Variants in MAN1C1 observed in about 807,000 individuals in gnomAD.
MAN1C1 encodes mannosyl-oligosaccharide 1,2-alpha-mannosidase IC.
A neutral mutation model predicts 71.5 loss-of-function variants in MAN1C1; 49 were observed. The ratio of observed to expected loss-of-function variants is 0.69; its 90% CI spans 0.54 to 0.87. The LOEUF is 0.87. Ranked by LOEUF, MAN1C1 falls within the 40% of genes least tolerant of loss-of-function variation. The probability of loss-of-function intolerance (pLI) is 0.00; values close to 1 mark genes in which losing one functional copy is unlikely to be tolerated. For missense variants in MAN1C1, 743 were observed against 835.0 expected, an observed-to-expected ratio of 0.89 and a Z score of 1.36; for synonymous variants, 352 against 343.7, an observed-to-expected ratio of 1.02 and a Z score of -0.27.
At chr1:25,659,785 CT>C (rs1356085217) in intron 1 of MAN1C1, among the ~76,000 whole-genome samples, 2 of 152,076 alleles carry the variant, frequency 1.3e-5, no homozygotes, top group Non-Finnish European at 2.9e-5. Context: ...AATAGCCATT[CT>C]TTAAAAACAA....
chr1:25,760,817 T>G (rs945873550), intron 6 of MAN1C1: 1 of 152,254 alleles, frequency 6.6e-6, no homozygotes. Context: ...TAGGACGTGC[T>G]GAGTAGGATT....
At chr1:25,771,898 A>T (rs1251770489) in intron 8 of MAN1C1, 126 bp downstream of exon 8, 1 of 685,678 alleles carries the variant, frequency 1.5e-6, no homozygotes, top group African/African-American at 1.8e-5. Context: ...CCCTGCAATG[A>T]ACCGGTGAGA....
At chr1:25,747,137 G>C (rs1297430929) in intron 3 of MAN1C1, among the ~76,000 whole-genome samples, 2 of 152,232 alleles carry the variant, frequency 1.3e-5, no homozygotes, top group Non-Finnish European at 2.9e-5. Context: ...CAGCAAGTGG[G>C]GAATGGCTTT....
intron 2 of MAN1C1, among the ~76,000 whole-genome samples, chr1:25,706,529 G>GA (rs979894487): frequency 6.6e-6 from 1 of 152,150 alleles, no homozygotes; most frequent in Non-Finnish European, 1.5e-5. Flanking sequence ...TGGCGGGGGG[G>GA]AATCCTTGCA....
At chr1:25,691,394 A>G (rs2046307056) in intron 2 of MAN1C1, among the ~76,000 whole-genome samples, 1 of 152,240 alleles carries the variant, frequency 6.6e-6, no homozygotes, top group African/African-American at 2.4e-5. Context: ...TTGCCACTGC[A>G]TGACCTTGGG....
At chr1:25,661,866 C>G (rs2045854378) in intron 1 of MAN1C1, among the ~76,000 whole-genome samples, 1 of 152,172 alleles carries the variant, frequency 6.6e-6, no homozygotes, top group South Asian at 2.1e-4. Context: ...ATTTGTTTTG[C>G]AAATACAAGT....
chr1:25,751,694 A>G lies in MAN1C1; in HGVS notation c.835-1790A>G, dbSNP rs568498113. Among the ~76,000 whole-genome samples the G allele has an allele frequency of 5.9e-5, 9 of 152,258 alleles. No individual in the cohort carries two copies. In the East Asian group the frequency reaches 1.7e-3, roughly 29 times the overall value. The stretch of plus-strand genomic sequence containing the variant: ...TGCTGCATACCTCGTGTACTTTCTC[A>G]CTGGAGCCTCGGATGGCCCCATCAG... On this transcript the variant is annotated intron_variant, in intron 4 of 11. Coordinates refer to ENST00000374332, the MANE Select transcript of MAN1C1 (RefSeq NM_020379.4).
chr1:25,767,640 A>C, intron 7 of MAN1C1, among the ~76,000 whole-genome samples: 1 of 30,186 alleles, frequency 3.3e-5, no homozygotes, highest in Non-Finnish European at 5.6e-5. Flanking sequence ...CACACACATT[A>C]CACACTCCCC....
chr1:25,618,002 A>G lies in MAN1C1; in HGVS notation c.205A>G (p.Ile69Val), dbSNP rs2124743975. ...QQPGLEVVAE[I>V]AGHAPAREQE... ...GCCTGGTCTGGAAGTGGTGGCTGAA[A>G]TCGCCGGCCATGCCCCGGCCCGCGA... is the stretch of plus-strand genomic sequence containing the variant. The change falls in exon 1 of 12, where the codon ATC becomes GTC. Residue 69 changes from isoleucine to valine, a missense_variant. Physicochemically the swap from Ile to Val is conservative, Grantham distance 29. Coordinates refer to ENST00000374332, the MANE Select transcript of MAN1C1 (RefSeq NM_020379.4). 6.2e-7 allele frequency: 1 copy of G among 1,603,734 alleles called. No homozygotes were observed. Among genetic ancestry groups the G allele is most frequent in the Admixed American group, 1.7e-5 (1 of 59,534 alleles).
At chr1:25,693,002 C>T (rs2046327643) in intron 2 of MAN1C1, among the ~76,000 whole-genome samples, 1 of 152,144 alleles carries the variant, frequency 6.6e-6, no homozygotes, top group Non-Finnish European at 1.5e-5. Flanking sequence ...GTAAGAGGCA[C>T]CAACCCCCTG....
chr1:25,772,659 A>C (rs879288040), intron 8 of MAN1C1, among the ~76,000 whole-genome samples: 1 of 151,958 alleles, frequency 6.6e-6, no homozygotes, highest in Non-Finnish European at 1.5e-5. Context: ...TGCCCTCTGA[A>C]TGCTGTGTGG....
chr1:25,633,258 T>C (rs908871593), intron 1 of MAN1C1, among the ~76,000 whole-genome samples: 1 of 152,226 alleles, frequency 6.6e-6, no homozygotes, highest in Admixed American at 6.5e-5. Flanking sequence ...ATGAGAAGAA[T>C]GTGTATTCTG....
chr1:25,666,273 C>A (rs967553940), intron 1 of MAN1C1, among the ~76,000 whole-genome samples: 1 of 152,124 alleles, frequency 6.6e-6, no homozygotes, highest in African/African-American at 2.4e-5. Context: ...CATTTCGGTT[C>A]TCTGTCTTTT....
At chr1:25,673,321 C>T (rs764698420) in intron 1 of MAN1C1, among the ~76,000 whole-genome samples, 6 of 152,162 alleles carry the variant, frequency 3.9e-5, no homozygotes, top group Non-Finnish European at 7.3e-5. Flanking sequence ...CCAGAGAAGG[C>T]AGGCACGGTT....
chr1:25,673,409 C>G (rs1007919545), intron 1 of MAN1C1, among the ~76,000 whole-genome samples: 2 of 152,190 alleles, frequency 1.3e-5, no homozygotes, highest in Non-Finnish European at 2.9e-5. Context: ...GGCTCTGTTG[C>G]TTACTTGCTA....
chr1:25,767,498 T>C (rs377435886), intron 7 of MAN1C1, among the ~76,000 whole-genome samples: 361 of 47,854 alleles, frequency 7.5e-3, no homozygotes, highest in Non-Finnish European at 8.5e-3. Context: ...CATCCACACT[T>C]CCCTCACACA....
In MAN1C1 at chr1:25,782,625, GGATCCAAGAC is replaced by G. The variant is rs2047710859; in HGVS notation, c.1693_1702del (p.Ile565CysfsTer17). On this transcript the variant is annotated frameshift_variant, in exon 11 of 12. Transcript: ENST00000374332. LOFTEE classifies it high-confidence loss of function. The surrounding 1 kb of genome is among the most constrained non-coding windows in gnomAD (Gnocchi z 4.4). ...TGTCGGACAGAAGCCGGTTTCTCTG[GGATCCAAGAC>G]GTGTACAGTAGCACCCCCAACCACG... The G allele has an allele frequency of 6.2e-7, 1 of 1,613,926 alleles. No individual in the cohort carries two copies. The highest frequency in any genetic ancestry group is 1.1e-5 in the South Asian group (1 of 91,086).
intron 2 of MAN1C1, among the ~76,000 whole-genome samples, chr1:25,724,456 C>T (rs1218123673): frequency 6.6e-6 from 1 of 151,442 alleles, no homozygotes; most frequent in Non-Finnish European, 1.5e-5. Context: ...CATCTCAGCT[C>T]TAGTTCATAT....
intron 2 of MAN1C1, among the ~76,000 whole-genome samples, chr1:25,726,316 A>G (rs2046830167): frequency 1.3e-5 from 2 of 152,070 alleles, no homozygotes; most frequent in South Asian, 4.1e-4. Context: ...CCTCTGCCCA[A>G]CTCGTTCCTA....
Sources: allele counts gnomAD v4.1 joint callset (sites outside exome capture counted in the v4.1 genomes callset), GRCh38; gene constraint gnomAD v4.1.1; non-coding constraint Gnocchi (gnomAD v3.1); transcripts MANE v1.5; gene names NCBI Gene and HGNC (gene_info 2026-07-23, HGNC 2026-07-21).